The following SORCS2 variants were observed in gnomAD, a reference collection of about 807,000 sequenced individuals.
SORCS2 encodes sortilin related VPS10 domain containing receptor 2, also known as VPS10 domain-containing receptor SorCS2.
In SORCS2, 100 loss-of-function variants were observed where a neutral mutation model predicts 141.6. The ratio of observed to expected loss-of-function variants is 0.71; its 90% CI spans 0.60 to 0.83. SORCS2 has a LOEUF of 0.83. SORCS2 is among the 40% of genes least tolerant of loss of function. The pLI is 0.00. For synonymous variants in SORCS2, 789 were observed against 676.9 expected (o/e 1.17, Z -2.57); for missense variants, 1,646 against 1,560.2 (o/e 1.05, Z -0.93).
chr4:7,314,829 T>TTTTTG (rs1560185676), intron 1 of SORCS2, among the ~76,000 whole-genome samples: 20 of 116,510 alleles, frequency 1.7e-4, no homozygotes, highest in African/African-American at 6.7e-4. Context: ...TTTTTTTTTT[T>TTTTTG]ATTGTTGTTG....
rs78967755 is a variant in SORCS2, at chr4:7,411,664, G to A, written c.548+15309G>A. ...TCCTCCCTCCATCCATTTAGGCTCT[G>A]GGGTGGGGTGAGCTATGATAACTGA... On this transcript the variant is annotated intron_variant, in intron 2 of 26. Coordinates refer to ENST00000507866, the MANE Select transcript of SORCS2 (RefSeq NM_020777.3). Among the ~76,000 whole-genome samples, 1,235 of 152,152 alleles carry A rather than the reference G, an allele frequency of 8.1e-3. 6 individuals are homozygous for A. The highest frequency in any genetic ancestry group is 0.054 in the Middle Eastern group (16 of 294).
chr4:7,403,999 T>TATATATATATA (rs57250297), intron 2 of SORCS2, among the ~76,000 whole-genome samples: 12 of 7,514 alleles, frequency 1.6e-3, no homozygotes, highest in African/African-American at 3.6e-3. Flanking sequence ...ATATATATAT[T>TATATATATATA]TTTTTTTTTT....
chr4:7,355,196 G>C (rs1228557025), intron 1 of SORCS2, among the ~76,000 whole-genome samples: 1 of 152,094 alleles, frequency 6.6e-6, no homozygotes, highest in East Asian at 1.9e-4. Flanking sequence ...TGGAGCCCAG[G>C]CACCAGCACC....
rs1724088882 is a variant in SORCS2 at position 7,689,602 on chromosome 4, A to G, written c.1591+14A>G. 1 of 1,566,590 alleles carries G rather than the reference A, an allele frequency of 6.4e-7. No individual in the cohort carries two copies. The highest frequency in any genetic ancestry group is 1.4e-5 in the African/African-American group (1 of 73,620). ...TCATGGGTGCAGGTAGGTGGCTTCC[A>G]TCACAGGTGGCTGGCAGGTGCCATT... On this transcript the variant is annotated intron_variant, in intron 11 of 26. Transcript: ENST00000507866.
intron 1 of SORCS2, among the ~76,000 whole-genome samples, chr4:7,259,586 C>T (rs934192731): frequency 3.3e-5 from 5 of 152,174 alleles, no homozygotes; most frequent in Non-Finnish European, 7.4e-5. Context: ...AGCCCTCTTG[C>T]TCCTCATGCC....
Position 7,623,189 on chromosome 4 carries a change from A to G in SORCS2, c.649-15139A>G, listed in dbSNP as rs115257851. 2.4e-3 allele frequency among the ~76,000 whole-genome samples: 369 copies of G among 152,216 alleles called. 1 individual carries two copies. The highest frequency in any genetic ancestry group is 4.0e-3 in the Non-Finnish European group (272 of 68,008). ...CACCAATGCCCTGCCTTTTACAATC[A>G]GTGACACTCAGAGACACTGATGCCC... On this transcript the variant is annotated intron_variant, in intron 3 of 26. Coordinates refer to ENST00000507866, the MANE Select transcript of SORCS2 (RefSeq NM_020777.3).
chr4:7,343,969 A>G (rs1195035479), intron 1 of SORCS2, among the ~76,000 whole-genome samples: 1 of 152,134 alleles, frequency 6.6e-6, no homozygotes, highest in Non-Finnish European at 1.5e-5. Flanking sequence ...AGGCGTGGCC[A>G]TGATGTGTGG....
rs531178539 is a variant in SORCS2, at chr4:7,271,591, C to T, written c.480+78465C>T. Among the ~76,000 whole-genome samples the T allele has an allele frequency of 1.7e-3, 263 of 152,346 alleles. 1 individual carries two copies. The highest frequency in any genetic ancestry group is 4.8e-3 in the Admixed American group (74 of 15,300). On this transcript the variant is annotated intron_variant, in intron 1 of 26. Transcript: ENST00000507866. Reference sequence around the variant, plus strand: ...TCCAATGGCATTTCCCTCCGGGACACGTGTTATCTAAAATGCCATCGACTT... The same window carrying T: ...TCCAATGGCATTTCCCTCCGGGACATGTGTTATCTAAAATGCCATCGACTT...
chr4:7,682,547 T>C (rs1369579333), intron 9 of SORCS2, among the ~76,000 whole-genome samples, 196 bp from the exon 10 acceptor site: 1 of 152,186 alleles, frequency 6.6e-6, no homozygotes, highest in Non-Finnish European at 1.5e-5. Context: ...CCACTAAAAC[T>C]GGGGCCAGAG....
At chr4:7,494,106 C>T (rs1419216547) in intron 2 of SORCS2, among the ~76,000 whole-genome samples, 8 of 152,264 alleles carry the variant, frequency 5.3e-5, no homozygotes, top group Admixed American at 2.6e-4. Flanking sequence ...CATGGATGCA[C>T]GTGAGTGTAT....
intron 26 of SORCS2, 88 bp downstream of exon 26, chr4:7,737,260 G>T (rs751902074): frequency 4.8e-5 from 71 of 1,479,816 alleles, no homozygotes; most frequent in East Asian, 7.9e-5. Flanking sequence ...AGGCCACCCC[G>T]CTGGGCCGCT....
At chr4:7,426,275 G>A (rs1560274551) in intron 2 of SORCS2, among the ~76,000 whole-genome samples, 1 of 147,098 alleles carries the variant, frequency 6.8e-6, no homozygotes, top group Admixed American at 6.8e-5. Context: ...GTGGCCCATC[G>A]GATCCCGGGG....
At chr4:7,519,678 G>A (rs1733200259) in intron 2 of SORCS2, among the ~76,000 whole-genome samples, 1 of 152,244 alleles carries the variant, frequency 6.6e-6, no homozygotes, top group Non-Finnish European at 1.5e-5. Flanking sequence ...CTGGCATGGA[G>A]CAACCTGCTT....
intron 2 of SORCS2, among the ~76,000 whole-genome samples, chr4:7,502,381 C>T (rs554931596): frequency 2.6e-5 from 4 of 152,284 alleles, no homozygotes; most frequent in South Asian, 4.1e-4. Flanking sequence ...TGATTCTTCA[C>T]CTTGGGCTGG....
chr4:7,657,894 G>GTGAGTGAA (rs1052049460), intron 5 of SORCS2, among the ~76,000 whole-genome samples: 2 of 152,030 alleles, frequency 1.3e-5, no homozygotes, highest in African/African-American at 4.8e-5. Flanking sequence ...GAATGAGTGA[G>GTGAGTGAA]TGAGTGAATG....
chr4:7,594,159 G>A (rs1049958196), intron 3 of SORCS2, among the ~76,000 whole-genome samples: 7 of 152,176 alleles, frequency 4.6e-5, no homozygotes, highest in African/African-American at 1.2e-4. Flanking sequence ...CTGTCAGGGC[G>A]AGAGCTGGTA....
intron 1 of SORCS2, among the ~76,000 whole-genome samples, chr4:7,209,557 C>T (rs1368848805): frequency 1.3e-5 from 2 of 152,204 alleles, no homozygotes; most frequent in Non-Finnish European, 2.9e-5. Context: ...AGCCTATCCC[C>T]TTCGTAGACT....
At chr4:7,642,059 T>C (rs529032853) in intron 4 of SORCS2, among the ~76,000 whole-genome samples, 1 of 152,284 alleles carries the variant, frequency 6.6e-6, no homozygotes, top group African/African-American at 2.4e-5. Context: ...TGGATGGGGA[T>C]GGTTGGTTAG....
rs564147880 is a variant in SORCS2, at chr4:7,310,850, G to A, written c.481-85438G>A. On this transcript the variant is annotated intron_variant, in intron 1 of 26. Transcript: ENST00000507866. ...CCATGAGTCAGTAATGCAGGTCAGC[G>A]TATTTCAGAGCAAAGCACTCACCAT... 7.2e-5 allele frequency among the ~76,000 whole-genome samples: 11 copies of A among 152,344 alleles called. 1 individual carries two copies. The South Asian group carries it at 1.7e-3, about 23-fold the overall frequency.
Sources: allele counts gnomAD v4.1 joint callset (sites outside exome capture counted in the v4.1 genomes callset), GRCh38; gene constraint gnomAD v4.1.1; transcripts MANE v1.5; gene names NCBI Gene and HGNC (gene_info 2026-07-23, HGNC 2026-07-21).